Variants in DNM3 observed in about 807,000 individuals in gnomAD.
DNM3 encodes the protein dynamin-3.
DNM3 carries 47 observed loss-of-function variants against 101.6 expected under a neutral mutation model. That is an observed-to-expected ratio of 0.46 (90% CI 0.37 to 0.59). The LOEUF is 0.59. DNM3 is among the 20% of genes least tolerant of loss of function. The pLI, the probability that DNM3 is intolerant of heterozygous loss-of-function variation, is 0.00. For missense variants in DNM3, 849 were observed against 1,085.7 expected (o/e 0.78, Z 3.06); for synonymous variants, 385 against 387.9 (o/e 0.99, Z 0.09).
At position 172,132,939 on chromosome 1, in the gene DNM3, T is replaced by C. The variant is rs75540219; in HGVS notation, c.1659+1651T>C. The C allele has an allele frequency of 2.2e-3, 3,187 of 1,457,480 alleles. 49 individuals are homozygous for C. The African/African-American group carries it at 0.034, about 16-fold the overall frequency. 90.3% of individuals were successfully genotyped at this position (1,457,480 alleles called of 1,614,324 possible). A position where few individuals can be genotyped will look rare whatever the true frequency, so the allele number is the denominator to read the frequency against. On this transcript the variant is annotated intron_variant, in intron 14 of 20. Coordinates refer to ENST00000627582, the MANE Select transcript of DNM3 (RefSeq NM_015569.5). Reference sequence around the variant, plus strand: ...CAACTTACCAAAGTCACACAGCTAGTTGGTGGCAAAGCAGAAATTTGAACC... The same window carrying C: ...CAACTTACCAAAGTCACACAGCTAGCTGGTGGCAAAGCAGAAATTTGAACC...
intron 17 of DNM3, among the ~76,000 whole-genome samples, chr1:172,337,885 T>TATTTTA (rs1553237988): frequency 3.7e-5 from 5 of 136,600 alleles, no homozygotes; most frequent in African/African-American, 1.1e-4. Flanking sequence ...TATTTTATTT[T>TATTTTA]ATTTTATTTT....
chr1:172,234,653 C>G (rs1177834458), intron 14 of DNM3, among the ~76,000 whole-genome samples: 1 of 152,052 alleles, frequency 6.6e-6, no homozygotes, highest in African/African-American at 2.4e-5. Context: ...GCTACAGTAA[C>G]CAAAACAGCA....
At chr1:172,346,122 C>CAAAAAAAAAA (rs554868535) in intron 17 of DNM3, among the ~76,000 whole-genome samples, 8 of 92,148 alleles carry the variant, frequency 8.7e-5, no homozygotes, top group African/African-American at 1.9e-4. Flanking sequence ...GACTCCGTCT[C>CAAAAAAAAAA]AAAAAAAAAA....
In DNM3 at chr1:172,303,970, A is replaced by G. The variant is rs762449152; in HGVS notation, c.1770-4758A>G. Among the ~76,000 whole-genome samples the G allele has an allele frequency of 8.7e-4, 133 of 152,154 alleles. 1 individual carries two copies. The highest frequency in any genetic ancestry group is 9.1e-4 in the Non-Finnish European group (62 of 68,014). On this transcript the variant is annotated intron_variant, in intron 15 of 20. Transcript: ENST00000627582. ...TTGATGCTAGGAAGAAACTGCATCA[A>G]CTAACCAGCAAAATAACCAGCTAAC...
chr1:171,962,443 G>A (rs1558333897), intron 2 of DNM3, among the ~76,000 whole-genome samples: 1 of 152,140 alleles, frequency 6.6e-6, no homozygotes, highest in African/African-American at 2.4e-5. Flanking sequence ...GTAAGCAGTG[G>A]TAATGGTCAC....
chr1:171,972,352 G>GT (rs1468169008), intron 2 of DNM3, among the ~76,000 whole-genome samples: 1 of 152,170 alleles, frequency 6.6e-6, no homozygotes, highest in Non-Finnish European at 1.5e-5. Context: ...GCAAAATCAC[G>GT]TAAGTAGTAC....
intron 10 of DNM3, among the ~76,000 whole-genome samples, chr1:172,055,688 C>T (rs1178347104): frequency 6.6e-6 from 1 of 152,132 alleles, no homozygotes; most frequent in Non-Finnish European, 1.5e-5. Flanking sequence ...AATTATGTCT[C>T]ATTGATTCAG....
At chr1:172,311,253 TATAA>T (rs2065066702) in intron 16 of DNM3, 1 of 152,144 alleles carries the variant, frequency 6.6e-6, no homozygotes, top group South Asian at 2.1e-4. Context: ...CCAGTGAGAT[TATAA>T]ATACTTTGTT....
intron 14 of DNM3, among the ~76,000 whole-genome samples, chr1:172,156,272 A>G (rs1031596123): frequency 2.0e-5 from 3 of 152,088 alleles, no homozygotes; most frequent in Admixed American, 6.6e-5. Flanking sequence ...TATGGTATAG[A>G]TAACAGCTCA....
chr1:171,948,770 C>T (rs763663537), intron 2 of DNM3, among the ~76,000 whole-genome samples: 1 of 152,126 alleles, frequency 6.6e-6, no homozygotes, highest in Non-Finnish European at 1.5e-5. Context: ...ACAGAATCCA[C>T]AGGATTCTGT....
intron 14 of DNM3, among the ~76,000 whole-genome samples, chr1:172,249,753 A>T (rs575956118): frequency 2.0e-5 from 3 of 148,340 alleles, no homozygotes; most frequent in Non-Finnish European, 3.0e-5. Flanking sequence ...ATCAAATTTC[A>T]TTTCTTATTT....
At chr1:172,157,528 T>G (rs927290945) in intron 14 of DNM3, among the ~76,000 whole-genome samples, 1 of 152,096 alleles carries the variant, frequency 6.6e-6, no homozygotes, top group Non-Finnish European at 1.5e-5. Flanking sequence ...TATGAAGCAC[T>G]TAGGATATAC....
Position 172,411,884 on chromosome 1 carries a change from T to G in DNM3, c.*4043T>G. 2 of 985,852 alleles carry G rather than the reference T, an allele frequency of 2.0e-6. No homozygotes were observed. Among genetic ancestry groups the G allele is most frequent in the Middle Eastern group, 5.2e-4 (1 of 1,914 alleles). The allele number at this position is 985,852 out of a possible 1,614,324, so 61.1% of individuals were successfully genotyped here. On this transcript the variant is annotated 3_prime_UTR_variant, in exon 21 of 21. Transcript: ENST00000627582. Reference sequence around the variant, plus strand: ...ATGATTTTGAAGAAATGATTATTCGTTCACCAGATCACTCATTGTACATTC... The same window carrying G: ...ATGATTTTGAAGAAATGATTATTCGGTCACCAGATCACTCATTGTACATTC...
In DNM3 at chr1:172,068,833, C is replaced by G; in HGVS notation, c.1350C>G (p.Pro450=). ...TTTCTTGACAGCTGGCAAACTTCCC[C>G]AGACTCTGCGAGGAAACGGAAAGGA... ...KKCTKKLANF[P]RLCEETERIV... The change falls in exon 11 of 21, where the codon CCC becomes CCG. Residue 450 remains proline (P), a synonymous_variant. Coordinates refer to ENST00000627582, the MANE Select transcript of DNM3 (RefSeq NM_015569.5). 1.3e-6 allele frequency: 2 copies of G among 1,572,196 alleles called. No homozygotes were observed. Among genetic ancestry groups the G allele is most frequent in the South Asian group, 1.2e-5 (1 of 85,178 alleles).
chr1:172,052,166 A>C (rs909134776), intron 10 of DNM3, among the ~76,000 whole-genome samples: 1 of 152,162 alleles, frequency 6.6e-6, no homozygotes, highest in Non-Finnish European at 1.5e-5. Context: ...GGGCACTATG[A>C]AACATTGATT....
At chr1:172,275,506 G>C (rs966376340) in intron 15 of DNM3, among the ~76,000 whole-genome samples, 1 of 151,934 alleles carries the variant, frequency 6.6e-6, no homozygotes, top group Non-Finnish European at 1.5e-5. Context: ...GAAAGATACA[G>C]TTGTTGACAT....
chr1:172,132,643 A>T (rs779879399), intron 14 of DNM3, among the ~76,000 whole-genome samples: 15 of 152,142 alleles, frequency 9.9e-5, no homozygotes, highest in Admixed American at 2.0e-4. Flanking sequence ...AAGGATTTAG[A>T]TGATAATTTA....
intron 14 of DNM3, among the ~76,000 whole-genome samples, chr1:172,158,119 A>G (rs1158530712): frequency 6.6e-6 from 1 of 152,036 alleles, no homozygotes; most frequent in Middle Eastern, 3.2e-3. Flanking sequence ...TTGAGATTAT[A>G]TTGGCAAGCA....
At chr1:172,353,984 C>T (rs143897592) in intron 17 of DNM3, among the ~76,000 whole-genome samples, 220 of 151,988 alleles carry the variant, frequency 1.4e-3, no homozygotes, top group African/African-American at 5.1e-3. Context: ...ACCTTTGATT[C>T]CACTTACTCG....
Sources: gnomAD v4.1 joint callset for allele counts (sites outside exome capture counted in the v4.1 genomes callset) on GRCh38, gnomAD v4.1.1 for gene constraint, MANE v1.5 for transcripts, NCBI Gene and HGNC (gene_info 2026-07-23, HGNC 2026-07-21) for gene names.